SDSL: variants seen among roughly 807,000 people sequenced by gnomAD.
SDSL encodes serine dehydratase like, also known as serine dehydratase-like.
SDSL carries 26 observed loss-of-function variants against 27.6 expected under a neutral mutation model. The ratio of observed to expected loss-of-function variants is 0.94; its 90% CI spans 0.69 to 1.31. The LOEUF is 1.31. SDSL is among the 50% of genes most tolerant of loss of function. SDSL has a pLI of 0.00. For missense variants in SDSL, 431 were observed against 423.5 expected, an observed-to-expected ratio of 1.02 and a Z score of -0.16; for synonymous variants, 196 against 180.6, an observed-to-expected ratio of 1.09 and a Z score of -0.69.
intron 1 of SDSL, among the ~76,000 whole-genome samples, chr12:113,426,471 T>A (rs1209568307): frequency 6.6e-6 from 1 of 152,164 alleles, no homozygotes; most frequent in African/African-American, 2.4e-5. Context: ...TTTGATGATA[T>A]GAAAAAATTA....
intron 1 of SDSL, among the ~76,000 whole-genome samples, chr12:113,424,674 G>A (rs766034236): frequency 4.6e-5 from 7 of 151,992 alleles, no homozygotes; most frequent in Non-Finnish European, 8.8e-5. Flanking sequence ...CGTCTCCAGA[G>A]GACTCAGCTG....
intron 4 of SDSL, among the ~76,000 whole-genome samples, chr12:113,430,545 C>T (rs1957908987): frequency 6.6e-6 from 1 of 152,082 alleles, no homozygotes; most frequent in African/African-American, 2.4e-5. Flanking sequence ...AGCCAGTGGC[C>T]ACTGGGGGCA....
At chr12:113,432,351 TTTC>T (rs966230421) in intron 4 of SDSL, among the ~76,000 whole-genome samples, 2 of 151,852 alleles carry the variant, frequency 1.3e-5, no homozygotes, top group Non-Finnish European at 2.9e-5. Flanking sequence ...TCTCTCTTTC[TTTC>T]TTTTTTTTGA....
At chr12:113,434,881 G>A (rs34606658) in intron 5 of SDSL, among the ~76,000 whole-genome samples, 4,440 of 152,300 alleles carry the variant, frequency 0.029, 96 homozygotes, top group Middle Eastern at 0.095. Context: ...TTGGGAGGCC[G>A]AGGCGGGTGG....
chr12:113,428,355 A>G (rs1957876755), intron 2 of SDSL, 65 bp from the exon 3 acceptor site: 2 of 1,531,390 alleles, frequency 1.3e-6, no homozygotes, highest in Admixed American at 1.8e-5. Context: ...CTCTAACGCC[A>G]TTCCACATAG....
intron 7 of SDSL, 134 bp from the exon 8 acceptor site, chr12:113,437,752 G>A: frequency 1.3e-6 from 1 of 778,952 alleles, no homozygotes; most frequent in Non-Finnish European, 2.1e-6. Context: ...ACAAGTGATG[G>A]ATTGCCAGCA....
chr12:113,433,140 A>G (rs547130230), intron 4 of SDSL, among the ~76,000 whole-genome samples: 2 of 152,274 alleles, frequency 1.3e-5, no homozygotes, highest in Non-Finnish European at 2.9e-5. Flanking sequence ...CCAACAGTGT[A>G]TTTTTTGTTT....
intron 1 of SDSL, chr12:113,426,058 A>G: frequency 2.4e-6 from 1 of 413,586 alleles, no homozygotes; most frequent in Non-Finnish European, 4.9e-6. Context: ...CATTGCAGGT[A>G]GAATTTGAAT....
chr12:113,423,034 G>A (rs7310082), intron 1 of SDSL: 1 of 152,300 alleles, frequency 6.6e-6, no homozygotes, highest in South Asian at 2.1e-4. Flanking sequence ...GGGACAAGAG[G>A]TGTGTGTCCC....
intron 1 of SDSL, chr12:113,425,765 G>C (rs1269118997): frequency 2.2e-6 from 1 of 454,928 alleles, no homozygotes; most frequent in Admixed American, 2.4e-5. Context: ...GGCCGAGGTG[G>C]GCAGATCACT....
Position 113,436,889 on chromosome 12 carries a change from G to A in SDSL, c.796+14G>A, listed in dbSNP as rs1384629369. On this transcript the variant is annotated intron_variant, in intron 7 of 7. Transcript: ENST00000403593. ...AGCAGCTCCTGGGTGAGTGATCCCT[G>A]TCCTCCACCTGGGCTCAGAGACCCA... 1 of 1,566,922 alleles carries A rather than the reference G, an allele frequency of 6.4e-7. No homozygotes were observed. Among genetic ancestry groups the A allele is most frequent in the African/African-American group, 1.4e-5 (1 of 73,950 alleles).
intron 4 of SDSL, among the ~76,000 whole-genome samples, chr12:113,431,440 A>G (rs930911536): frequency 4.0e-5 from 6 of 151,832 alleles, no homozygotes; most frequent in African/African-American, 1.5e-4. Context: ...TTTTGAATCT[A>G]TTTTTTTCTT....
intron 1 of SDSL, among the ~76,000 whole-genome samples, chr12:113,427,556 C>T (rs895965208): frequency 2.6e-5 from 4 of 152,246 alleles, no homozygotes; most frequent in Non-Finnish European, 5.9e-5. Context: ...GCAAGTCACT[C>T]CTATTTGAAA....
chr12:113,424,500 A>T (rs1037796235), intron 1 of SDSL, among the ~76,000 whole-genome samples: 2 of 152,170 alleles, frequency 1.3e-5, no homozygotes, highest in Admixed American at 1.3e-4. Flanking sequence ...TGCCCATCTC[A>T]TCAGGCTATA....
At chr12:113,432,577 G>T (rs570226614) in intron 4 of SDSL, among the ~76,000 whole-genome samples, 1 of 151,902 alleles carries the variant, frequency 6.6e-6, no homozygotes, top group Non-Finnish European at 1.5e-5. Flanking sequence ...CCTGACCTCA[G>T]GATCTGCCTG....
At chr12:113,437,832 A>T in intron 7 of SDSL, 54 bp from the exon 8 acceptor site, 4 of 1,505,066 alleles carry the variant, frequency 2.7e-6, no homozygotes, top group Non-Finnish European at 3.6e-6. Flanking sequence ...CCTGCTGAGC[A>T]CCGAGTGGTT....
rs142390928 is a variant in SDSL at position 113,428,068 on chromosome 12, T to G, written c.86T>G (p.Val29Gly). 4.2e-5 allele frequency: 67 copies of G among 1,614,008 alleles called. 1 individual carries two copies. In the African/African-American group the frequency reaches 6.9e-4, roughly 17 times the overall value. ...PLLESWALSQ[V>G]AGMPVFLKCE... ...TTGGAGAGCTGGGCGCTGTCCCAGG[T>G]GGCGGGCATGCCTGTCTTCCTCAAG... The change falls in exon 2 of 8, where the codon GTG becomes GGG. Residue 29 changes from valine to glycine, a missense_variant. Transcript: ENST00000403593.
chr12:113,425,327 C>A (rs1228362144), intron 1 of SDSL, among the ~76,000 whole-genome samples: 1 of 152,124 alleles, frequency 6.6e-6, no homozygotes, highest in Non-Finnish European at 1.5e-5. Flanking sequence ...CTGGGTGGGA[C>A]TGGGAAGAGG....
intron 2 of SDSL, 48 bp downstream of exon 2, chr12:113,428,204 AG>A: frequency 6.6e-7 from 1 of 1,513,648 alleles, no homozygotes; most frequent in East Asian, 2.4e-5. Flanking sequence ...TGCAGGAGGG[AG>A]GGAAGAGTGA....
Sources: gnomAD v4.1 joint callset for allele counts (sites outside exome capture counted in the v4.1 genomes callset) on GRCh38, gnomAD v4.1.1 for gene constraint, MANE v1.5 for transcripts, NCBI Gene and HGNC (gene_info 2026-07-23, HGNC 2026-07-21) for gene names.